BCORL1: variants seen among roughly 807,000 people sequenced by gnomAD.
BCORL1 encodes BCL-6 corepressor-like protein 1.
Under a neutral mutation model 87.6 loss-of-function variants are expected in BCORL1, and 7 were observed. That is an observed-to-expected ratio of 0.08 (90% CI 0.05 to 0.15). The LOEUF (loss-of-function observed/expected upper bound fraction) is 0.15. Among genes scored for constraint, BCORL1 ranks in the 10% least tolerant of loss-of-function variants. BCORL1 has a pLI of 1.00. For synonymous variants in BCORL1, 591 were observed against 634.4 expected (o/e 0.93, Z 1.03); for missense variants, 1,215 against 1,499.7 (o/e 0.81, Z 3.13).
At chrX:130,027,372 G>A (rs1299870012) in intron 7 of BCORL1, among the ~76,000 whole-genome samples, 1 of 112,918 alleles carries the variant, frequency 8.9e-6, no homozygotes, top group African/African-American at 3.2e-5. Context: ...GCGGGCTGAG[G>A]CTAGCTGGGA....
intron 8 of BCORL1, among the ~76,000 whole-genome samples, chrX:130,032,937 A>G (rs1930706763): frequency 1.9e-5 from 2 of 108,096 alleles, no homozygotes; most frequent in South Asian, 4.0e-4. Flanking sequence ...AATTTTTTGT[A>G]CTTTTAGTAG....
At chrX:130,050,886 A>G (rs1439017705) in intron 12 of BCORL1, 92 bp downstream of exon 12, 5 of 718,983 alleles carry the variant, frequency 7.0e-6, no homozygotes, top group African/African-American at 6.5e-5. Context: ...AGTGGCTTAC[A>G]GACCCTTTCA....
chrX:130,053,606 G>A (rs1252136496), intron 13 of BCORL1, among the ~76,000 whole-genome samples: 4 of 111,977 alleles, frequency 3.6e-5, no homozygotes, highest in Admixed American at 9.4e-5. Flanking sequence ...TGGCAGGCAC[G>A]TGGTTAGCCC....
intron 1 of BCORL1, among the ~76,000 whole-genome samples, chrX:129,994,845 TAGTC>T (rs1835222781): frequency 9.0e-6 from 1 of 111,653 alleles, no homozygotes; most frequent in Admixed American, 9.6e-5. Context: ...AATAGATTTT[TAGTC>T]AGGCAGAAGT....
chrX:129,986,838 CAAA>C (rs1377248329), intron 1 of BCORL1, among the ~76,000 whole-genome samples: 1 of 109,861 alleles, frequency 9.1e-6, no homozygotes, highest in African/African-American at 3.3e-5. Flanking sequence ...AACAAAAAAA[CAAA>C]AAAACAAAAA....
chrX:130,040,425 G>C (rs1268193701), intron 11 of BCORL1, among the ~76,000 whole-genome samples: 1 of 112,291 alleles, frequency 8.9e-6, no homozygotes, highest in Non-Finnish European at 1.9e-5. Flanking sequence ...GGTGAGTGGG[G>C]GGTAATAGGA....
chrX:130,023,895 C>G (rs1930027475), intron 6 of BCORL1, among the ~76,000 whole-genome samples: 1 of 112,582 alleles, frequency 8.9e-6, no homozygotes, highest in Non-Finnish European at 1.9e-5. Flanking sequence ...GGAAAATGTG[C>G]TGTTATTTGC....
In BCORL1 at chrX:130,056,184, C is replaced by G. The variant is rs774915848; in HGVS notation, c.*48C>G. 3.7e-5 allele frequency: 40 copies of G among 1,086,882 alleles called. No homozygotes were observed. The highest frequency in any genetic ancestry group is 4.5e-5 in the Non-Finnish European group (37 of 824,775). 89.6% of individuals were successfully genotyped at this position (1,086,882 alleles called of 1,213,427 possible). On this transcript the variant is annotated 3_prime_UTR_variant, in exon 14 of 14. Coordinates refer to ENST00000540052, the MANE Select transcript of BCORL1 (RefSeq NM_001379451.1). ...TCTTTCTCCTTCCGAGTTCGCCCTTCCCCCACCTCCTTGTCTTTCCCCGAC... is the reference window on the plus strand; with the variant it reads ...TCTTTCTCCTTCCGAGTTCGCCCTTGCCCCACCTCCTTGTCTTTCCCCGAC...
At position 130,050,727 on chromosome X, in the gene BCORL1, G is replaced by A. The variant is rs35736519; in HGVS notation, c.4851G>A (p.Ser1617=). ...TMKRFLSDHL[S]DLQGRAEGDP... ...CTCTTCTTTCATCAGATCACCTCTC[G>A]GATCTTCAGGGCCGGGCAGAGGGTG... The change falls in exon 12 of 14, where the codon TCG becomes TCA. Residue 1617 remains serine (S), a synonymous_variant. Coordinates refer to ENST00000540052, the MANE Select transcript of BCORL1 (RefSeq NM_001379451.1). 1.9e-3 allele frequency: 2,348 copies of A among 1,209,002 alleles called. 26 individuals are homozygous for A. In the African/African-American group the frequency reaches 0.033, roughly 17 times the overall value.
chrX:130,002,632 G>A (rs1375283036), intron 1 of BCORL1, among the ~76,000 whole-genome samples: 1 of 107,261 alleles, frequency 9.3e-6, no homozygotes, highest in Non-Finnish European at 1.9e-5. Context: ...GGTGAGATAA[G>A]CAAGAAAAAG....
Position 129,996,316 on chromosome X carries a change from C to T in BCORL1, c.-44-8872C>T, listed in dbSNP as rs373686253. ...GCCAGGCTTCAAGATGAATATTTTCCGGCTCTTTCATTTTTTAAAGTCATA... is the reference window on the plus strand; with the variant it reads ...GCCAGGCTTCAAGATGAATATTTTCTGGCTCTTTCATTTTTTAAAGTCATA... On this transcript the variant is annotated intron_variant, in intron 1 of 13. Coordinates refer to ENST00000540052, the MANE Select transcript of BCORL1 (RefSeq NM_001379451.1). 1.6e-4 allele frequency among the ~76,000 whole-genome samples: 18 copies of T among 111,548 alleles called. No homozygotes were observed. The East Asian group carries it at 3.7e-3, about 23-fold the overall frequency.
chrX:130,010,294 C>G (rs949100188), intron 2 of BCORL1, among the ~76,000 whole-genome samples: 5 of 112,090 alleles, frequency 4.5e-5, no homozygotes, highest in Non-Finnish European at 7.5e-5. Flanking sequence ...TGAGTACTCC[C>G]CCTAAAACCG....
intron 2 of BCORL1, among the ~76,000 whole-genome samples, chrX:130,006,389 C>T (rs1247341757): frequency 2.9e-5 from 3 of 103,147 alleles, no homozygotes; most frequent in African/African-American, 1.1e-4. Context: ...GAGGTGGAGT[C>T]TCACTCTGTC....
intron 1 of BCORL1, among the ~76,000 whole-genome samples, chrX:129,987,107 T>C (rs1430190651): frequency 8.9e-6 from 1 of 111,959 alleles, no homozygotes; most frequent in Non-Finnish European, 1.9e-5. Flanking sequence ...TTGAAATCTC[T>C]AGGACAATGT....
At chrX:130,006,704 T>TG (rs1280432071) in intron 2 of BCORL1, among the ~76,000 whole-genome samples, 2 of 108,997 alleles carry the variant, frequency 1.8e-5, no homozygotes, top group African/African-American at 6.7e-5. Context: ...AGACAGAGTC[T>TG]GGGGCTACAG....
intron 6 of BCORL1, 120 bp downstream of exon 6, chrX:130,023,097 C>T: frequency 1.6e-6 from 1 of 611,557 alleles, no homozygotes; most frequent in South Asian, 2.5e-5. Context: ...TTCACTGTGC[C>T]ACAATGCCCA....
chrX:129,987,278 A>G (rs1245532656), intron 1 of BCORL1, among the ~76,000 whole-genome samples: 1 of 112,001 alleles, frequency 8.9e-6, no homozygotes, highest in East Asian at 2.8e-4. Context: ...ATAAGGAAAT[A>G]GGGAACTTAG....
intron 7 of BCORL1, among the ~76,000 whole-genome samples, chrX:130,026,008 GAC>G (rs1248176914): frequency 2.7e-5 from 3 of 111,652 alleles, no homozygotes; most frequent in African/African-American, 9.8e-5. Flanking sequence ...GGCTTTCTCT[GAC>G]CACATCAAAT....
chrX:130,001,452 A>G (rs1278987085), intron 1 of BCORL1, among the ~76,000 whole-genome samples: 2 of 112,031 alleles, frequency 1.8e-5, no homozygotes, highest in Admixed American at 9.5e-5. Flanking sequence ...CTTGTCCCCA[A>G]CTAACCAAGC....
Sources: gnomAD v4.1 joint callset for allele counts (sites outside exome capture counted in the v4.1 genomes callset) on GRCh38, gnomAD v4.1.1 for gene constraint, MANE v1.5 for transcripts, NCBI Gene and HGNC (gene_info 2026-07-23, HGNC 2026-07-21) for gene names.